Variants in RYR3 observed in about 807,000 individuals in gnomAD.
RYR3 encodes ryanodine receptor 3.
Under a neutral mutation model 584.3 loss-of-function variants are expected in RYR3, and 207 were observed. The ratio of observed to expected loss-of-function variants is 0.35; its 90% CI spans 0.32 to 0.40. The LOEUF (loss-of-function observed/expected upper bound fraction) is 0.40, where lower values mean the gene tolerates loss of function less well. Ranked by LOEUF, RYR3 falls within the 10% of genes least tolerant of loss-of-function variation. RYR3 has a pLI of 1.00. For missense variants in RYR3, 5,616 were observed against 6,089.2 expected (o/e 0.92, Z 2.59); for synonymous variants, 2,416 against 2,248.5 (o/e 1.07, Z -2.11).
chr15:33,438,083 T>C (rs537187756), intron 1 of RYR3, among the ~76,000 whole-genome samples: 1 of 152,230 alleles, frequency 6.6e-6, no homozygotes, highest in Non-Finnish European at 1.5e-5. Flanking sequence ...AGAATTTGTC[T>C]GGTTAGACAG....
At chr15:33,382,624 A>G (rs1395893085) in intron 1 of RYR3, among the ~76,000 whole-genome samples, 2 of 152,132 alleles carry the variant, frequency 1.3e-5, no homozygotes, top group African/African-American at 4.8e-5. Context: ...GCCCACCCCA[A>G]AAAATGACAT....
At chr15:33,432,668 T>TGTGTGTGTGTG (rs113646851) in intron 1 of RYR3, among the ~76,000 whole-genome samples, 7,057 of 132,160 alleles carry the variant, frequency 0.053, 263 homozygotes, top group Non-Finnish European at 0.076. Flanking sequence ...GCCTAGCTAA[T>TGTGTGTGTGTG]TGTGTGTGTG....
intron 46 of RYR3, among the ~76,000 whole-genome samples, chr15:33,727,548 T>C (rs7165379): frequency 0.41 from 62,951 of 151,936 alleles, 14,492 homozygotes; most frequent in East Asian, 0.59. Context: ...TTCCCAAACA[T>C]AAAACACTAA....
chr15:33,813,326 A>G (rs1263564457), intron 73 of RYR3, 141 bp from the exon 74 acceptor site: 3 of 696,782 alleles, frequency 4.3e-6, no homozygotes, highest in Admixed American at 5.4e-5. Context: ...AACTGAAATC[A>G]TCTGCTCCTG....
chr15:33,563,022 A>C lies in RYR3; in HGVS notation c.1146+12A>C, dbSNP rs377236020. ...CTCTAAAAAGAAAGGTGAGAGTCAG[A>C]ATATCTGTCTACAATTGTTTTACCC... On this transcript the variant is annotated intron_variant, in intron 11 of 103. Coordinates refer to ENST00000634891, the MANE Select transcript of RYR3 (RefSeq NM_001036.6). 3.5e-5 allele frequency: 56 copies of C among 1,602,528 alleles called. No individual in the cohort carries two copies. The African/African-American group carries it at 6.2e-4, about 18-fold the overall frequency.
At chr15:33,503,059 A>C (rs1215749750) in intron 2 of RYR3, among the ~76,000 whole-genome samples, 1 of 152,174 alleles carries the variant, frequency 6.6e-6, no homozygotes, top group East Asian at 1.9e-4. Flanking sequence ...GATTCTAATA[A>C]ATTGGAATGA....
intron 1 of RYR3, among the ~76,000 whole-genome samples, chr15:33,420,982 C>T (rs757602731): frequency 2.0e-5 from 3 of 151,970 alleles, no homozygotes; most frequent in Non-Finnish European, 4.4e-5. Context: ...TCTTGGGGGT[C>T]TTGCTTCTTT....
At position 33,592,857 on chromosome 15, in the gene RYR3, C is replaced by T. The variant is rs561133723; in HGVS notation, c.1788+6741C>T. The stretch of plus-strand genomic sequence containing the variant: ...ATTTTGCCAAGGTTGAGGACGTGCC[C>T]GTGACAGAGCCTCAGGAAGTCCTGA... On this transcript the variant is annotated intron_variant, in intron 16 of 103. Coordinates refer to ENST00000634891, the MANE Select transcript of RYR3 (RefSeq NM_001036.6). Among the ~76,000 whole-genome samples the T allele has an allele frequency of 2.8e-4, 42 of 152,282 alleles. No homozygotes were observed. In the South Asian group the frequency reaches 4.1e-3, roughly 15 times the overall value.
At chr15:33,685,002 T>A (rs1179095023) in intron 38 of RYR3, among the ~76,000 whole-genome samples, 1 of 152,220 alleles carries the variant, frequency 6.6e-6, no homozygotes, top group Non-Finnish European at 1.5e-5. Context: ...TGCCAAATTG[T>A]AAAGACCATT....
chr15:33,800,695 G>A (rs2075870239), intron 67 of RYR3, 75 bp from the exon 68 acceptor site: 5 of 1,025,784 alleles, frequency 4.9e-6, no homozygotes, highest in Non-Finnish European at 7.7e-6. Flanking sequence ...CTCCAGTGCT[G>A]GTATAATTTT....
At chr15:33,600,431 G>T (rs2059602288) in intron 16 of RYR3, among the ~76,000 whole-genome samples, 1 of 152,056 alleles carries the variant, frequency 6.6e-6, no homozygotes, top group Non-Finnish European at 1.5e-5. Flanking sequence ...GCAGGAGGAA[G>T]AGAGCCTGAC....
At chr15:33,790,021 T>A (rs1467541291) in intron 67 of RYR3, among the ~76,000 whole-genome samples, 3 of 92,988 alleles carry the variant, frequency 3.2e-5, no homozygotes, top group Non-Finnish European at 4.2e-5. Flanking sequence ...AGACAGAGTC[T>A]CACTCTGTCA....
At chr15:33,339,077 G>T (rs1010695852) in intron 1 of RYR3, among the ~76,000 whole-genome samples, 1 of 152,122 alleles carries the variant, frequency 6.6e-6, no homozygotes, top group East Asian at 1.9e-4. Context: ...GAACATGAGG[G>T]CTGTTAATAT....
intron 1 of RYR3, among the ~76,000 whole-genome samples, chr15:33,435,669 T>C (rs917583024): frequency 6.6e-6 from 1 of 152,162 alleles, no homozygotes; most frequent in African/African-American, 2.4e-5. Flanking sequence ...ACCTCAAGCG[T>C]TACAGCTCTT....
At chr15:33,401,615 A>G (rs1490034631) in intron 1 of RYR3, among the ~76,000 whole-genome samples, 1 of 152,242 alleles carries the variant, frequency 6.6e-6, no homozygotes, top group African/African-American at 2.4e-5. Flanking sequence ...ACAAAACAGT[A>G]TGTGAACATG....
chr15:33,782,129 CTG>C (rs1465351732), intron 65 of RYR3, among the ~76,000 whole-genome samples: 2 of 152,188 alleles, frequency 1.3e-5, no homozygotes, highest in African/African-American at 4.8e-5. Context: ...TATACCAGCA[CTG>C]TGTAGAGCTT....
Position 33,360,560 on chromosome 15 carries a change from GATAA to G in RYR3, c.51+49470_51+49473del, listed in dbSNP as rs1974621637. On this transcript the variant is annotated intron_variant, in intron 1 of 103. Coordinates refer to ENST00000634891, the MANE Select transcript of RYR3 (RefSeq NM_001036.6). ...TGGGTTGATTCTGGTCTTTGGATGT[GATAA>G]ATAAAGCTGTTCTGAATGTTTATAC... Among the ~76,000 whole-genome samples the G allele has an allele frequency of 3.3e-5, 5 of 152,194 alleles. No homozygotes were observed. In the South Asian group the frequency reaches 8.3e-4, roughly 25 times the overall value.
chr15:33,563,437 G>A (rs970552120), intron 11 of RYR3, among the ~76,000 whole-genome samples: 9 of 152,284 alleles, frequency 5.9e-5, no homozygotes, highest in African/African-American at 2.2e-4. Context: ...GGAACCCACT[G>A]GCAGAAAGAA....
rs577693174 is a variant in RYR3, at chr15:33,622,689, A to G, written c.2358-1118A>G. On this transcript the variant is annotated intron_variant, in intron 19 of 103. Coordinates refer to ENST00000634891, the MANE Select transcript of RYR3 (RefSeq NM_001036.6). The stretch of plus-strand genomic sequence containing the variant: ...AATGAATGTTGTACATAAACACTGC[A>G]TATATATTGGCTTTTTTCCAGTGTT... Among the ~76,000 whole-genome samples the G allele has an allele frequency of 2.7e-5, 4 of 148,460 alleles. 1 individual carries two copies. In the South Asian group the frequency reaches 8.8e-4, roughly 33 times the overall value.
Sources: allele counts gnomAD v4.1 joint callset (sites outside exome capture counted in the v4.1 genomes callset), GRCh38; gene constraint gnomAD v4.1.1; transcripts MANE v1.5; gene names NCBI Gene and HGNC (gene_info 2026-07-23, HGNC 2026-07-21).